The following LYPLAL1 variants were observed in gnomAD, a reference collection of about 807,000 sequenced individuals.
LYPLAL1 encodes lysophospholipase like 1.
In LYPLAL1, 23 loss-of-function variants were observed where a neutral mutation model predicts 19.7. That is an observed-to-expected ratio of 1.17 (90% CI 0.84 to 1.65). The LOEUF is 1.65. LYPLAL1 is among the 40% of genes most tolerant of loss of function. The pLI is 0.00. For synonymous variants in LYPLAL1, 119 were observed against 96.3 expected (o/e 1.24, Z -1.38); for missense variants, 355 against 279.4 (o/e 1.27, Z -1.93).
chr1:219,443,020 T>C, the LYPLAL1 span, among the ~76,000 whole-genome samples: 1 of 151,870 alleles, frequency 6.6e-6, no homozygotes, highest in Non-Finnish European at 1.5e-5. Context: ...AAAGCCTATC[T>C]AATGGGCCTC....
chr1:219,369,601 G>C, the LYPLAL1 span, among the ~76,000 whole-genome samples: 3 of 152,184 alleles, frequency 2.0e-5, no homozygotes, highest in Admixed American at 6.6e-5. Context: ...AGCCTTGTAC[G>C]TGAATGATAA....
chr1:219,241,126 CTCTCTCTCTATATATATATA>C, the LYPLAL1 span, among the ~76,000 whole-genome samples: 1 of 89,342 alleles, frequency 1.1e-5, no homozygotes, highest in Non-Finnish European at 2.4e-5. Context: ...CTCTCTCTCT[CTCTCTCTCTATATATATATA>C]TATATATATA....
chr1:219,351,825 C>G, the LYPLAL1 span, among the ~76,000 whole-genome samples: 1 of 152,116 alleles, frequency 6.6e-6, no homozygotes, highest in Admixed American at 6.5e-5. Context: ...TAGGAATGTG[C>G]CATTGGCAAT....
chr1:219,400,639 T>A, the LYPLAL1 span, among the ~76,000 whole-genome samples: 42,645 of 151,862 alleles, frequency 0.28, 6,386 homozygotes, highest in East Asian at 0.53. Context: ...GGATTACAGG[T>A]GGTCACCACC....
At chr1:219,221,200 G>C in the LYPLAL1 span, among the ~76,000 whole-genome samples, 1 of 152,118 alleles carries the variant, frequency 6.6e-6, no homozygotes, top group Non-Finnish European at 1.5e-5. Flanking sequence ...TGAATAGTTG[G>C]TCCTGCCTGA....
the LYPLAL1 span, among the ~76,000 whole-genome samples, chr1:219,355,788 T>C: frequency 6.6e-6 from 1 of 152,040 alleles, no homozygotes; most frequent in Admixed American, 6.5e-5. Context: ...ACAATGGTAT[T>C]AAATTAGAAA....
At chr1:219,258,465 A>G in the LYPLAL1 span, among the ~76,000 whole-genome samples, 1 of 152,070 alleles carries the variant, frequency 6.6e-6, no homozygotes, top group Non-Finnish European at 1.5e-5. Context: ...GACTTCCTGC[A>G]ACAAATAGCA....
chr1:219,188,287 G>T (rs1051867959), intron 2 of LYPLAL1, among the ~76,000 whole-genome samples: 4 of 151,788 alleles, frequency 2.6e-5, no homozygotes, highest in Non-Finnish European at 5.9e-5. Flanking sequence ...TAAGACTGGG[G>T]ATAGAGAGTA....
chr1:219,315,921 C>G, the LYPLAL1 span, among the ~76,000 whole-genome samples: 14,818 of 151,982 alleles, frequency 0.097, 799 homozygotes, highest in African/African-American at 0.11. Context: ...ATGTGGATAG[C>G]TAAATATTTC....
At chr1:219,327,201 C>G in the LYPLAL1 span, among the ~76,000 whole-genome samples, 1 of 152,198 alleles carries the variant, frequency 6.6e-6, no homozygotes, top group Non-Finnish European at 1.5e-5. Flanking sequence ...CTTGACTTCA[C>G]CAACATCACT....
At chr1:219,271,558 A>G in the LYPLAL1 span, 1 of 152,242 alleles carries the variant, frequency 6.6e-6, no homozygotes. Flanking sequence ...ATTTAGAAAT[A>G]TGAATTTGAT....
At chr1:219,327,009 G>A in the LYPLAL1 span, among the ~76,000 whole-genome samples, 1 of 152,192 alleles carries the variant, frequency 6.6e-6, no homozygotes, top group African/African-American at 2.4e-5. Flanking sequence ...TGAGGCGGGG[G>A]AATCGCTTGA....
the LYPLAL1 span, among the ~76,000 whole-genome samples, chr1:219,373,863 C>CAAAAAAAAAAA: frequency 2.4e-4 from 25 of 102,206 alleles, no homozygotes; most frequent in Non-Finnish European, 3.6e-4. Context: ...ATAAAATTGT[C>CAAAAAAAAAAA]AAAAAAAAAA....
At position 219,210,666 on chromosome 1, in the gene LYPLAL1, A is replaced by G; in HGVS notation, c.477+19A>G. On this transcript the variant is annotated intron_variant, in intron 4 of 4. Coordinates refer to ENST00000366928, the MANE Select transcript of LYPLAL1 (RefSeq NM_138794.5). ...TTACCAGGTAAGTTCCAGATTTAAAAAAAAATGAAAAAAATATGAAATATA... is the reference window on the plus strand; with the variant it reads ...TTACCAGGTAAGTTCCAGATTTAAAGAAAAATGAAAAAAATATGAAATATA... 6.3e-7 allele frequency: 1 copy of G among 1,582,782 alleles called. No individual in the cohort carries two copies. The highest frequency in any genetic ancestry group is 8.6e-7 in the Non-Finnish European group (1 of 1,166,320).
At chr1:219,208,908 C>T (rs558498769) in intron 3 of LYPLAL1, among the ~76,000 whole-genome samples, 129 of 152,108 alleles carry the variant, frequency 8.5e-4, no homozygotes, top group Non-Finnish European at 1.4e-3. Context: ...TGTGTATTTA[C>T]GTAAGCTGTT....
chr1:219,366,229 T>C, the LYPLAL1 span, among the ~76,000 whole-genome samples: 1 of 152,096 alleles, frequency 6.6e-6, no homozygotes, highest in Non-Finnish European at 1.5e-5. Flanking sequence ...TAATTGCAAA[T>C]GATAATGAAT....
chr1:219,342,103 C>A, the LYPLAL1 span, among the ~76,000 whole-genome samples: 95 of 152,196 alleles, frequency 6.2e-4, no homozygotes, highest in Non-Finnish European at 1.1e-3. Context: ...ATAATTTTTA[C>A]TAAATCTTGG....
At chr1:219,311,165 T>A in the LYPLAL1 span, among the ~76,000 whole-genome samples, 3 of 151,862 alleles carry the variant, frequency 2.0e-5, no homozygotes, top group East Asian at 5.8e-4. Flanking sequence ...TCTCCCTGAG[T>A]CTGGACATGG....
Position 219,211,672 on chromosome 1 carries a change from A to G in LYPLAL1, c.658A>G (p.Ile220Val), listed in dbSNP as rs145100238. ...TGAGCTAAGCAAAACTGAGTTAGACATATTGAAGTTATGGATTCTTACAAA... is the reference window on the plus strand; with the variant it reads ...TGAGCTAAGCAAAACTGAGTTAGACGTATTGAAGTTATGGATTCTTACAAA... ...YHELSKTELD[I>V]LKLWILTKLP... The change falls in exon 5 of 5, where the codon ATA (isoleucine) becomes GTA (valine). Residue 220 changes from isoleucine to valine, a missense_variant. By Grantham distance (29) the Ile-to-Val change is conservative. Transcript: ENST00000366928. 2.7e-5 allele frequency: 43 copies of G among 1,612,768 alleles called. No individual in the cohort carries two copies. The highest frequency in any genetic ancestry group is 1.3e-4 in the African/African-American group (10 of 74,892).
Sources: gnomAD v4.1 joint callset for allele counts (sites outside exome capture counted in the v4.1 genomes callset) on GRCh38, gnomAD v4.1.1 for gene constraint, MANE v1.5 for transcripts, NCBI Gene and HGNC (gene_info 2026-07-23, HGNC 2026-07-21) for gene names.